SF3A2: variants seen among roughly 807,000 people sequenced by gnomAD.
SF3A2 encodes splicing factor 3a subunit 2.
Under a neutral mutation model 31.1 loss-of-function variants are expected in SF3A2, and 5 were observed. That is an observed-to-expected ratio of 0.16 (90% confidence interval 0.08 to 0.34). The LOEUF (loss-of-function observed/expected upper bound fraction) is 0.34. Among genes scored for constraint, SF3A2 ranks in the 10% least tolerant of loss-of-function variants. The probability of loss-of-function intolerance (pLI) is 1.00; values close to 1 mark genes in which losing one functional copy is unlikely to be tolerated. For synonymous variants in SF3A2, 365 were observed against 263.7 expected (o/e 1.38, Z -3.72); for missense variants, 577 against 643.9 (o/e 0.90, Z 1.13).
intron 1 of SF3A2, among the ~76,000 whole-genome samples, chr19:2,240,900 G>T (rs1180093455): frequency 7.2e-5 from 11 of 152,262 alleles, no homozygotes; most frequent in Admixed American, 7.2e-4. Flanking sequence ...GGAGCAAAGC[G>T]CAGGTCGCTC....
In SF3A2 at chr19:2,244,723, T is replaced by G; in HGVS notation, c.199-10T>G. 1 of 1,614,014 alleles carries G rather than the reference T, an allele frequency of 6.2e-7. No homozygotes were observed. The highest frequency in any genetic ancestry group is 8.5e-7 in the Non-Finnish European group (1 of 1,179,958). Reference sequence around the variant, plus strand: ...GGCCTCGAGTCATGCGTGTTTCCTTTCCACTCCAGGGGAGCTACCTGGCAC... The same window carrying G: ...GGCCTCGAGTCATGCGTGTTTCCTTGCCACTCCAGGGGAGCTACCTGGCAC... On this transcript the variant is annotated splice_polypyrimidine_tract_variant and intron_variant, in intron 3 of 8. Coordinates refer to ENST00000221494, the MANE Select transcript of SF3A2 (RefSeq NM_007165.5).
In SF3A2 at chr19:2,244,535, C is replaced by T; in HGVS notation, c.127-9C>T. On this transcript the variant is annotated splice_polypyrimidine_tract_variant and intron_variant, in intron 2 of 8. Transcript: ENST00000221494. ...TTCTGTCTAACGGGCCCCTGTTCTT[C>T]CCCTCCAGGACCCGTACTTCATGAA... 1 of 1,611,922 alleles carries T rather than the reference C, an allele frequency of 6.2e-7. No homozygotes were observed. Among genetic ancestry groups the T allele is most frequent in the Non-Finnish European group, 8.5e-7 (1 of 1,178,498 alleles).
At position 2,248,459 on chromosome 19, in the gene SF3A2, C is replaced by G. The variant is rs770187090; in HGVS notation, c.1308C>G (p.His436Gln). The stretch of plus-strand genomic sequence containing the variant: ...TTCACCCCTCAAATCCTGGGGTGCA[C>G]CCCCCAACTCCCATGCCCCCAATGC... ...PGVHPSNPGV[H>Q]PPTPMPPMLR... Residue 436 changes from histidine to glutamine, a missense_variant, in exon 9 of 9, where the codon CAC becomes CAG. This residue lies in a region of SF3A2 where 462 missense variants were observed against 339.1 expected (regional missense o/e 1.36). Transcript: ENST00000221494. 72 of 1,227,012 alleles carry G rather than the reference C, an allele frequency of 5.9e-5. No homozygotes were observed. Among genetic ancestry groups the G allele is most frequent in the Non-Finnish European group, 7.0e-5 (66 of 947,322 alleles). The allele number at this position is 1,227,012 out of a possible 1,614,324, so 76.0% of individuals were successfully genotyped here.
intron 1 of SF3A2, 186 bp downstream of exon 1, chr19:2,237,087 C>G (rs1395091581): frequency 6.6e-6 from 1 of 152,030 alleles, no homozygotes; most frequent in Admixed American, 6.5e-5. Context: ...CTGGGCGGGC[C>G]TGGAGGGTCG....
Position 2,246,995 on chromosome 19 carries a change from C to T in SF3A2, c.519C>T (p.Ala173=), listed in dbSNP as rs377692756. 19 of 1,543,174 alleles carry T rather than the reference C, an allele frequency of 1.2e-5. No individual in the cohort carries two copies. In the African/African-American group the frequency reaches 1.2e-4, roughly 10 times the overall value. ...DRRWQYLLMA[A]EPYETIAFKV... The stretch of plus-strand genomic sequence containing the variant: ...GCTGGCAGTACCTGCTCATGGCCGC[C>T]GAGCCCTACGAGACCATTGCCTTCA... The change falls in exon 7 of 9, where the codon GCC becomes GCT. Residue 173 remains alanine (A), a synonymous_variant. Transcript: ENST00000221494. This position sits in a 1 kb window ranked among gnomAD's most constrained non-coding sequence, Gnocchi z 5.5.
At chr19:2,238,899 T>G (rs2024864383) in intron 1 of SF3A2, among the ~76,000 whole-genome samples, 1 of 152,196 alleles carries the variant, frequency 6.6e-6, no homozygotes, top group African/African-American at 2.4e-5. Context: ...GACCTCTGTT[T>G]CCAGTGTGGT....
chr19:2,240,921 G>C lies in SF3A2; in HGVS notation c.-37-2461G>C, dbSNP rs964275084. Among the ~76,000 whole-genome samples the C allele has an allele frequency of 4.6e-5, 7 of 152,242 alleles. No homozygotes were observed. In the South Asian group the frequency reaches 6.2e-4, roughly 14 times the overall value. On this transcript the variant is annotated intron_variant, in intron 1 of 8. Transcript: ENST00000221494. ...AAGCGCAGGTCGCTCCTGAGGCTGA[G>C]CTCCGCTCCTCCTGGGCCCTGGGTC...
Position 2,245,611 on chromosome 19 carries a change from C to G in SF3A2, c.355+56C>G. The G allele has an allele frequency of 7.7e-7, 1 of 1,296,916 alleles. No individual in the cohort carries two copies. 80.3% of individuals were successfully genotyped at this position (1,296,916 alleles called of 1,614,324 possible). A position where few individuals can be genotyped will look rare whatever the true frequency, so the allele number is the denominator to read the frequency against. On this transcript the variant is annotated intron_variant, in intron 5 of 8. Coordinates refer to ENST00000221494, the MANE Select transcript of SF3A2 (RefSeq NM_007165.5). This position sits in a 1 kb window ranked among gnomAD's most constrained non-coding sequence, Gnocchi z 4.2. Reference sequence around the variant, plus strand: ...GCCGCTGCCGTGACATAAGTGTGTTCTTTAGTCTCCAGTGCGGGAGGTGCA... The same window carrying G: ...GCCGCTGCCGTGACATAAGTGTGTTGTTTAGTCTCCAGTGCGGGAGGTGCA...
At chr19:2,239,056 A>T (rs920484145) in intron 1 of SF3A2, among the ~76,000 whole-genome samples, 2 of 152,196 alleles carry the variant, frequency 1.3e-5, no homozygotes, top group Non-Finnish European at 1.5e-5. Context: ...GGGGTATAAA[A>T]ATCTAGATTG....
intron 4 of SF3A2, 91 bp downstream of exon 4, chr19:2,244,870 G>C: frequency 1.6e-6 from 2 of 1,283,680 alleles, no homozygotes; most frequent in South Asian, 2.5e-5. Flanking sequence ...TCCACAGCCG[G>C]GGAGCCAGCC....
At chr19:2,239,477 T>C (rs1011427353) in intron 1 of SF3A2, among the ~76,000 whole-genome samples, 2 of 152,194 alleles carry the variant, frequency 1.3e-5, no homozygotes, top group Admixed American at 1.3e-4. Flanking sequence ...TGTTTTCTGC[T>C]CAGTTGTCTT....
At chr19:2,238,343 G>A (rs1599650057) in intron 1 of SF3A2, among the ~76,000 whole-genome samples, 1 of 152,168 alleles carries the variant, frequency 6.6e-6, no homozygotes, top group Non-Finnish European at 1.5e-5. Context: ...TTTTTGTAGA[G>A]ATGGGGTTTT....
In SF3A2 at chr19:2,244,759, G is replaced by A; in HGVS notation, c.225G>A (p.Gly75=). Residue 75 remains glycine, a synonymous_variant, in exon 4 of 9, where the codon GGG becomes GGA. Coordinates refer to ENST00000221494, the MANE Select transcript of SF3A2 (RefSeq NM_007165.5). ...GGAGCTACCTGGCACATACGCAGGGGAAGAAGCACCAGACCAACCTGTGAG... is the reference window on the plus strand; with the variant it reads ...GGAGCTACCTGGCACATACGCAGGGAAAGAAGCACCAGACCAACCTGTGAG... The part of the protein sequence containing the change: ...NEGSYLAHTQ[G]KKHQTNLARR... 1 of 1,614,028 alleles carries A rather than the reference G, an allele frequency of 6.2e-7. No homozygotes were observed. The highest frequency in any genetic ancestry group is 1.1e-5 in the South Asian group (1 of 91,080).
intron 7 of SF3A2, 147 bp downstream of exon 7, chr19:2,247,169 G>A: frequency 1.3e-6 from 1 of 791,882 alleles, no homozygotes; most frequent in South Asian, 1.8e-5. Context: ...CACAGGCCGG[G>A]CAGGGCACCT....
Position 2,248,062 on chromosome 19 carries a change from C to A in SF3A2, c.911C>A (p.Pro304Gln). Residue 304 changes from proline (P) to glutamine (Q), a missense_variant, in exon 9 of 9, where the codon CCA becomes CAA. Physicochemically the swap from Pro to Gln is moderately conservative, Grantham distance 76. Around this residue, in one of 6 missense-constraint regions of SF3A2, gnomAD observed 462 missense variants for 339.1 expected, o/e 1.36. Coordinates refer to ENST00000221494, the MANE Select transcript of SF3A2 (RefSeq NM_007165.5). ...CCCCCTGCATCTGGGGTCCATCCCC[C>A]AGCTCCTGGCGTCCACCCCCCAGCT... ...VHPPASGVHP[P>Q]APGVHPPAPG... 1.1e-6 allele frequency: 1 copy of A among 931,098 alleles called. No homozygotes were observed. Among genetic ancestry groups the A allele is most frequent in the Non-Finnish European group, 1.7e-6 (1 of 605,446 alleles). 57.7% of individuals were successfully genotyped at this position (931,098 alleles called of 1,614,324 possible). A position where few individuals can be genotyped will look rare whatever the true frequency, so the allele number is the denominator to read the frequency against.
At chr19:2,244,910 C>A in intron 4 of SF3A2, 131 bp downstream of exon 4, 1 of 781,924 alleles carries the variant, frequency 1.3e-6, no homozygotes, top group Non-Finnish European at 2.1e-6. Flanking sequence ...CGCTTGAGTA[C>A]GGTTCCTGGG....
chr19:2,241,516 G>A lies in SF3A2; in HGVS notation c.-37-1866G>A, dbSNP rs139367895. On this transcript the variant is annotated intron_variant, in intron 1 of 8. Transcript: ENST00000221494. ...AGGCACTTCATGAACCTGTCCGGGCGGCACCCACACAATCCTGCCCGCCTG... is the reference window on the plus strand; with the variant it reads ...AGGCACTTCATGAACCTGTCCGGGCAGCACCCACACAATCCTGCCCGCCTG... Among the ~76,000 whole-genome samples the A allele has an allele frequency of 1.7e-4, 26 of 152,302 alleles. No homozygotes were observed. In the South Asian group the frequency reaches 4.1e-3, roughly 24 times the overall value.
Position 2,245,608 on chromosome 19 carries a change from G to A in SF3A2, c.355+53G>A, listed in dbSNP as rs1224403509. The A allele has an allele frequency of 9.1e-6, 12 of 1,317,114 alleles. No homozygotes were observed. Among genetic ancestry groups the A allele is most frequent in the East Asian group, 2.5e-5 (1 of 39,848 alleles). The allele number at this position is 1,317,114 out of a possible 1,614,324, so 81.6% of individuals were successfully genotyped here. A position where few individuals can be genotyped will look rare whatever the true frequency, so the allele number is the denominator to read the frequency against. ...ACAGCCGCTGCCGTGACATAAGTGT[G>A]TTCTTTAGTCTCCAGTGCGGGAGGT... On this transcript the variant is annotated intron_variant, in intron 5 of 8. Transcript: ENST00000221494. This position sits in a 1 kb window ranked among gnomAD's most constrained non-coding sequence, Gnocchi z 4.2.
intron 7 of SF3A2, 93 bp from the exon 8 acceptor site, chr19:2,247,501 C>T (rs1483441919): frequency 1.7e-5 from 22 of 1,312,078 alleles, no homozygotes; most frequent in Admixed American, 7.0e-5. Context: ...GGGTAGAGTC[C>T]GGGCTGGGGA....
Sources: gnomAD v4.1 joint callset for allele counts (sites outside exome capture counted in the v4.1 genomes callset) on GRCh38, gnomAD v4.1.1 for gene constraint, gnomAD v4.1.1 regional missense constraint, Gnocchi (gnomAD v3.1) non-coding constraint, MANE v1.5 for transcripts, NCBI Gene and HGNC (gene_info 2026-07-23, HGNC 2026-07-21) for gene names.